Variants in MAST4 observed in about 807,000 individuals in gnomAD.
The protein encoded by MAST4 is microtubule-associated serine/threonine-protein kinase 4.
A neutral mutation model predicts 162.7 loss-of-function variants in MAST4; 89 were observed. The ratio of observed to expected loss-of-function variants is 0.55; its 90% CI spans 0.46 to 0.65. The LOEUF is 0.65. Ranked by LOEUF, MAST4 falls within the 30% of genes least tolerant of loss-of-function variation. MAST4 has a pLI of 0.00. For missense variants in MAST4, 3,153 were observed against 3,374.0 expected (o/e 0.93, Z 1.62); for synonymous variants, 1,479 against 1,361.1 (o/e 1.09, Z -1.91).
chr5:66,655,656 G>A (rs1250965805), intron 1 of MAST4, among the ~76,000 whole-genome samples: 1 of 152,126 alleles, frequency 6.6e-6, no homozygotes, highest in African/African-American at 2.4e-5. Flanking sequence ...TACAAAGAAA[G>A]CACCTAGAGT....
At chr5:66,951,596 ATATG>A (rs1411985416) in intron 4 of MAST4, among the ~76,000 whole-genome samples, 283 of 114,876 alleles carry the variant, frequency 2.5e-3, no homozygotes, top group African/African-American at 3.5e-3. Flanking sequence ...GCCTCCCATG[ATATG>A]TGTGTGTGTG....
chr5:66,916,499 T>A (rs80243942), intron 4 of MAST4, among the ~76,000 whole-genome samples: 4,348 of 152,314 alleles, frequency 0.029, 225 homozygotes, highest in African/African-American at 0.098. Context: ...AATTATGAAA[T>A]TACTATTGTG....
At chr5:67,142,583 C>CAGA in intron 21 of MAST4, 50 bp downstream of exon 21, 1 of 1,253,104 alleles carries the variant, frequency 8.0e-7, no homozygotes, top group Non-Finnish European at 1.1e-6. Context: ...GAGGATCTCC[C>CAGA]GCTGGCCAGA....
At chr5:66,838,522 G>T (rs1758190327) in intron 3 of MAST4, among the ~76,000 whole-genome samples, 1 of 152,152 alleles carries the variant, frequency 6.6e-6, no homozygotes, top group Non-Finnish European at 1.5e-5. Context: ...ATATGACACT[G>T]ACCTGTGAAG....
rs765320301 is a variant in MAST4 at position 67,142,218 on chromosome 5, T to C, written c.2598T>C (p.Asp866=). 6.2e-7 allele frequency: 1 copy of C among 1,613,878 alleles called. No individual in the cohort carries two copies. Among genetic ancestry groups the C allele is most frequent in the Non-Finnish European group, 8.5e-7 (1 of 1,179,826 alleles). Residue 866 remains aspartate (D), a synonymous_variant, in exon 20 of 29, where the codon GAT becomes GAC. Coordinates refer to ENST00000403625, the MANE Select transcript of MAST4 (RefSeq NM_001164664.2). ...AEFIPQLESE[D]DTSYFDTRSE... ...TTATTCCCCAACTGGAATCTGAGGA[T>C]GACACAAGTTATTTTGATAGTATGT...
intron 3 of MAST4, among the ~76,000 whole-genome samples, chr5:66,895,071 T>C (rs1372959691): frequency 1.3e-5 from 2 of 152,158 alleles, no homozygotes; most frequent in African/African-American, 4.8e-5. Context: ...GTGGTCATAC[T>C]TTCTGGGTTT....
At chr5:66,983,546 G>A (rs975872409) in intron 4 of MAST4, among the ~76,000 whole-genome samples, 3 of 152,272 alleles carry the variant, frequency 2.0e-5, no homozygotes, top group East Asian at 3.9e-4. Flanking sequence ...CTAAGTGCCA[G>A]TTTCCTCATC....
Position 66,951,628 on chromosome 5 carries a change from G to GTA in MAST4, c.674+51647_674+51648insAT, listed in dbSNP as rs1206703379. On this transcript the variant is annotated intron_variant, in intron 4 of 28. Transcript: ENST00000403625. ...TGTGTGTGTGTGTGTGTGTGTGTGT[G>GTA]TGTGTGTGTGTGTGTGTGTGTGTGT... 3.1e-3 allele frequency among the ~76,000 whole-genome samples: 452 copies of GTA among 145,652 alleles called. 1 individual carries two copies. The highest frequency in any genetic ancestry group is 0.011 in the Middle Eastern group (3 of 284).
chr5:67,049,009 A>ACATATATATATACGTG (rs1561576044), intron 4 of MAST4, among the ~76,000 whole-genome samples: 3 of 125,430 alleles, frequency 2.4e-5, no homozygotes, highest in African/African-American at 9.5e-5. Flanking sequence ...ATACACACAC[A>ACATATATATATACGTG]TATATATATA....
rs543665618 is a variant in MAST4, at chr5:66,851,085, T to C, written c.643-48866T>C. Among the ~76,000 whole-genome samples, 4 of 152,360 alleles carry C rather than the reference T, an allele frequency of 2.6e-5. No individual in the cohort carries two copies. The South Asian group carries it at 8.3e-4, about 32-fold the overall frequency. ...TTTCCCCATGGATGATAATGTCTTT[T>C]ACAATTTCGAATGGTTTCAAAACAT... On this transcript the variant is annotated intron_variant, in intron 3 of 28. Transcript: ENST00000403625.
rs371822214 is a variant in MAST4 at position 67,163,375 on chromosome 5, T to C, written c.4196T>C (p.Leu1399Pro). 28 of 1,612,520 alleles carry C rather than the reference T, an allele frequency of 1.7e-5. No homozygotes were observed. The highest frequency in any genetic ancestry group is 1.6e-4 in the Middle Eastern group (1 of 6,062). Residue 1399 changes from leucine to proline, a missense_variant, in exon 29 of 29, where the codon CTT becomes CCT. Leu to Pro is a moderately conservative substitution (Grantham distance 98). This residue lies in a region of MAST4 where 619 missense variants were observed against 744.2 expected (regional missense o/e 0.83). Transcript: ENST00000403625. This position sits in a 1 kb window ranked among gnomAD's most constrained non-coding sequence, Gnocchi z 7.0. ...PTSPQRSPSP[L>P]LGHSLGNSKI... ...TCCCCGCAGCGGTCACCATCCCCTC[T>C]TCTGGGACACTCACTGGGCAATTCC...
intron 1 of MAST4, among the ~76,000 whole-genome samples, chr5:66,677,550 T>A (rs2149480484): frequency 6.6e-6 from 1 of 152,306 alleles, no homozygotes; most frequent in East Asian, 1.9e-4. Flanking sequence ...GTACTAGTGG[T>A]GATTTAAAAA....
chr5:66,740,238 G>A (rs1280899220), intron 1 of MAST4, among the ~76,000 whole-genome samples: 1 of 152,186 alleles, frequency 6.6e-6, no homozygotes, highest in Non-Finnish European at 1.5e-5. Context: ...AGAGGCTGGT[G>A]GAAGGCAGCA....
At chr5:66,890,211 T>C (rs1418768569) in intron 3 of MAST4, among the ~76,000 whole-genome samples, 1 of 152,192 alleles carries the variant, frequency 6.6e-6, no homozygotes. Flanking sequence ...CTTGATATAA[T>C]AAATGCACTT....
At chr5:66,663,951 T>TGGTGGTGGA (rs1561246784) in intron 1 of MAST4, among the ~76,000 whole-genome samples, 1 of 151,898 alleles carries the variant, frequency 6.6e-6, no homozygotes, top group African/African-American at 2.4e-5. Context: ...GCCAGGGTGG[T>TGGTGGTGGA]GGTGGTGGAG....
intron 4 of MAST4, among the ~76,000 whole-genome samples, chr5:66,966,685 A>G (rs1477034763): frequency 6.6e-6 from 1 of 152,238 alleles, no homozygotes; most frequent in African/African-American, 2.4e-5. Context: ...ACTGTATCTA[A>G]CAATAGGGAA....
chr5:67,071,485 G>A (rs1269869111), intron 5 of MAST4, among the ~76,000 whole-genome samples: 1 of 152,014 alleles, frequency 6.6e-6, no homozygotes, highest in Non-Finnish European at 1.5e-5. Flanking sequence ...GGGCGTGGTG[G>A]CTCACGCCTG....
chr5:67,094,254 T>C, intron 6 of MAST4: 1 of 810,834 alleles, frequency 1.2e-6, no homozygotes, highest in Non-Finnish European at 1.9e-6. Flanking sequence ...CCATTTGCAT[T>C]TATTGGAGGT....
chr5:66,808,089 A>C (rs1412828573), intron 3 of MAST4, among the ~76,000 whole-genome samples: 1 of 152,128 alleles, frequency 6.6e-6, no homozygotes, highest in East Asian at 1.9e-4. Flanking sequence ...TGTCCAATGC[A>C]CTCTTTTCCC....
Sources: allele counts gnomAD v4.1 joint callset (sites outside exome capture counted in the v4.1 genomes callset), GRCh38; gene constraint gnomAD v4.1.1; regional missense constraint gnomAD v4.1.1; non-coding constraint Gnocchi (gnomAD v3.1); transcripts MANE v1.5; gene names NCBI Gene and HGNC (gene_info 2026-07-23, HGNC 2026-07-21).